JPH3: variants seen among roughly 807,000 people sequenced by gnomAD.
JPH3 encodes the protein junctophilin 3.
In JPH3, 11 loss-of-function variants were observed where a neutral mutation model predicts 59.6. The observed-to-expected ratio is 0.18, with a 90% CI of 0.12 to 0.31. The LOEUF (loss-of-function observed/expected upper bound fraction) is 0.31. Among genes scored for constraint, JPH3 ranks in the 10% least tolerant of loss-of-function variants. JPH3 has a pLI of 1.00. For synonymous variants in JPH3, 673 were observed against 483.6 expected (o/e 1.39, Z -5.14); for missense variants, 1,202 against 1,105.7 (o/e 1.09, Z -1.24).
chr16:87,686,303 G>C (rs2033415889), intron 3 of JPH3, among the ~76,000 whole-genome samples: 1 of 151,790 alleles, frequency 6.6e-6, no homozygotes, highest in African/African-American at 2.4e-5. Flanking sequence ...AGTCAGAGGA[G>C]ATGCTTCCTG....
chr16:87,603,022 G>T lies in JPH3; in HGVS notation c.-125G>T. On this transcript the variant is annotated 5_prime_UTR_variant, in exon 1 of 5. Coordinates refer to ENST00000284262, the MANE Select transcript of JPH3 (RefSeq NM_020655.4). Reference sequence around the variant, plus strand: ...CGCCCGCGCCCGAGACCGCGCTCCGGGGCCGCGTCCTCCTCTCCTCCGGAA... The same window carrying T: ...CGCCCGCGCCCGAGACCGCGCTCCGTGGCCGCGTCCTCCTCTCCTCCGGAA... 7.9e-7 allele frequency: 1 copy of T among 1,271,350 alleles called. No individual in the cohort carries two copies. The highest frequency in any genetic ancestry group is 1.1e-6 in the Non-Finnish European group (1 of 934,336). The allele number at this position is 1,271,350 out of a possible 1,614,324, so 78.8% of individuals were successfully genotyped here.
In JPH3 at chr16:87,697,082, C is replaced by T. The variant is rs1010530114; in HGVS notation, c.*422C>T. ...GTGGCAGGGCTGACTCCCGTCGACA[C>T]GAGCTTAGAAAGTGGATTCACTGCT... On this transcript the variant is annotated 3_prime_UTR_variant, in exon 5 of 5. Coordinates refer to ENST00000284262, the MANE Select transcript of JPH3 (RefSeq NM_020655.4). 4.9e-5 allele frequency: 13 copies of T among 266,516 alleles called. No homozygotes were observed. Among genetic ancestry groups the T allele is most frequent in the Admixed American group, 3.3e-4 (7 of 20,930 alleles). 16.5% of individuals were successfully genotyped at this position (266,516 alleles called of 1,614,324 possible).
At chr16:87,683,898 G>A in intron 2 of JPH3, 1 of 497,746 alleles carries the variant, frequency 2.0e-6, no homozygotes, top group South Asian at 2.5e-5. Context: ...GAGCCACCAT[G>A]CCCTGCCCAG....
Position 87,644,721 on chromosome 16 carries a change from C to A in JPH3, c.846C>A (p.Ala282=), listed in dbSNP as rs760635261. 4 of 1,605,276 alleles carry A rather than the reference C, an allele frequency of 2.5e-6. No homozygotes were observed. In the South Asian group the frequency reaches 4.4e-5, roughly 18 times the overall value. Residue 282 remains alanine (A), a synonymous_variant, in exon 2 of 5, where the codon GCC becomes GCA. Transcript: ENST00000284262. ...CGGTCATCGAGGACGACATCGACGCCACCACCACCGAGACCTACGTGGGCG... is the reference window on the plus strand; with the variant it reads ...CGGTCATCGAGGACGACATCGACGCAACCACCACCGAGACCTACGTGGGCG... ...ELAVIEDDID[A]TTTETYVGEW... is the part of the protein sequence containing the mutation.
In JPH3 at chr16:87,660,333, G is replaced by A. The variant is rs950961284; in HGVS notation, c.1160+15298G>A. On this transcript the variant is annotated intron_variant, in intron 2 of 4. Coordinates refer to ENST00000284262, the MANE Select transcript of JPH3 (RefSeq NM_020655.4). ...GTGGACAGAGGGGGCTGCAGGGAGG[G>A]CACAGAGGACTTCCTGGGAGTGAGG... 2.0e-5 allele frequency among the ~76,000 whole-genome samples: 3 copies of A among 152,134 alleles called. No individual in the cohort carries two copies. In the East Asian group the frequency reaches 5.8e-4, roughly 29 times the overall value.
chr16:87,651,727 G>A (rs936115261), intron 2 of JPH3, among the ~76,000 whole-genome samples: 2 of 152,220 alleles, frequency 1.3e-5, no homozygotes, highest in Non-Finnish European at 2.9e-5. Context: ...GGGGTGAAAC[G>A]AGAAAATGGT....
chr16:87,646,414 C>T (rs991105027), intron 2 of JPH3, among the ~76,000 whole-genome samples: 2 of 152,228 alleles, frequency 1.3e-5, no homozygotes, highest in Non-Finnish European at 2.9e-5. Context: ...CCCCTCCCTG[C>T]TCCCTCAGAA....
chr16:87,644,757 C>A lies in JPH3; in HGVS notation c.882C>A (p.Asn294Lys). 1.9e-6 allele frequency: 3 copies of A among 1,613,236 alleles called. No homozygotes were observed. The highest frequency in any genetic ancestry group is 2.2e-5 in the East Asian group (1 of 44,826). ...AGACCTACGTGGGCGAGTGGAAGAA[C>A]GACAAACGCTCCGGCTTCGGCGTGA... is the stretch of plus-strand genomic sequence containing the variant. Reference protein sequence around the residue: ...TTETYVGEWKNDKRSGFGVSQ... With the variant: ...TTETYVGEWKKDKRSGFGVSQ... The change falls in exon 2 of 5, where the codon AAC (asparagine) becomes AAA (lysine). Residue 294 changes from asparagine (N) to lysine (K), a missense_variant. Coordinates refer to ENST00000284262, the MANE Select transcript of JPH3 (RefSeq NM_020655.4).
At chr16:87,672,931 G>A (rs1432598667) in intron 2 of JPH3, among the ~76,000 whole-genome samples, 1 of 152,202 alleles carries the variant, frequency 6.6e-6, no homozygotes, top group African/African-American at 2.4e-5. Flanking sequence ...CATCACCTAA[G>A]GTCAGGAGTT....
chr16:87,611,816 T>G lies in JPH3; in HGVS notation c.382+8288T>G, dbSNP rs537178089. 6.6e-6 allele frequency among the ~76,000 whole-genome samples: 1 copy of G among 152,344 alleles called. No individual in the cohort carries two copies. The highest frequency in any genetic ancestry group is 2.1e-4 in the South Asian group (1 of 4,830). ...TGCTGAGGCTGCTGATCTGGGGACCTCACATTAAGAACCACAGTCCTGGGC... is the reference window on the plus strand; with the variant it reads ...TGCTGAGGCTGCTGATCTGGGGACCGCACATTAAGAACCACAGTCCTGGGC... On this transcript the variant is annotated intron_variant, in intron 1 of 4. Coordinates refer to ENST00000284262, the MANE Select transcript of JPH3 (RefSeq NM_020655.4). The surrounding 1 kb of genome is among the most constrained non-coding windows in gnomAD (Gnocchi z 4.5).
chr16:87,642,728 C>G (rs1362233413), intron 1 of JPH3, among the ~76,000 whole-genome samples: 1 of 152,200 alleles, frequency 6.6e-6, no homozygotes, highest in African/African-American at 2.4e-5. Flanking sequence ...CGTGCTGAGG[C>G]CCAGCCGTCC....
intron 2 of JPH3, among the ~76,000 whole-genome samples, chr16:87,661,158 C>G (rs80258093): frequency 0.053 from 8,145 of 152,320 alleles, 292 homozygotes; most frequent in Non-Finnish European, 0.08. Context: ...GAGGTCCCTC[C>G]TCCACCTTCA....
At chr16:87,651,423 T>C (rs755119627) in intron 2 of JPH3, among the ~76,000 whole-genome samples, 13 of 152,226 alleles carry the variant, frequency 8.5e-5, no homozygotes, top group Non-Finnish European at 1.8e-4. Context: ...ATTTCTCTGA[T>C]GGATCTGGGC....
rs186820422 is a variant in JPH3, at chr16:87,690,052, G to A, written c.1692G>A (p.Lys564=). The change falls in exon 4 of 5, where the codon AAG becomes AAA. Residue 564 remains lysine (K), a synonymous_variant. Coordinates refer to ENST00000284262, the MANE Select transcript of JPH3 (RefSeq NM_020655.4). ...DDFRTRGSGR[K]QPGNPKPRER... ...TCCGCACCCGAGGTTCGGGCCGCAA[G>A]CAGCCCGGGAACCCCAAGCCGCGGG... 3.8e-6 allele frequency: 6 copies of A among 1,565,060 alleles called. No homozygotes were observed. The highest frequency in any genetic ancestry group is 5.2e-6 in the Non-Finnish European group (6 of 1,154,872).
At chr16:87,636,526 C>A (rs757828560) in intron 1 of JPH3, among the ~76,000 whole-genome samples, 1 of 152,174 alleles carries the variant, frequency 6.6e-6, no homozygotes, top group South Asian at 2.1e-4. Context: ...GCAGAGCTCC[C>A]GTCTGGGGGA....
At chr16:87,667,371 A>G (rs997069815) in intron 2 of JPH3, among the ~76,000 whole-genome samples, 12 of 152,176 alleles carry the variant, frequency 7.9e-5, no homozygotes, top group African/African-American at 1.2e-4. Flanking sequence ...CATTCAGCTG[A>G]CTGTCTTTGC....
intron 2 of JPH3, among the ~76,000 whole-genome samples, chr16:87,647,177 G>A (rs965145798): frequency 2.0e-5 from 3 of 149,326 alleles, no homozygotes; most frequent in Admixed American, 6.6e-5. Flanking sequence ...AGATGCCTAC[G>A]TATAAGTGGG....
chr16:87,625,347 C>T (rs1044092376), intron 1 of JPH3, among the ~76,000 whole-genome samples: 6 of 152,264 alleles, frequency 3.9e-5, no homozygotes, highest in East Asian at 1.9e-4. Flanking sequence ...TTTCCCTCCT[C>T]GGGGGTCCTG....
intron 1 of JPH3, among the ~76,000 whole-genome samples, chr16:87,612,019 T>A (rs1349887025): frequency 6.6e-6 from 1 of 152,236 alleles, no homozygotes; most frequent in African/African-American, 2.4e-5. Flanking sequence ...ACCCTAGCTG[T>A]GCATGAGCTT....
Sources: gnomAD v4.1 joint callset for allele counts (sites outside exome capture counted in the v4.1 genomes callset) on GRCh38, gnomAD v4.1.1 for gene constraint, Gnocchi (gnomAD v3.1) non-coding constraint, MANE v1.5 for transcripts, NCBI Gene and HGNC (gene_info 2026-07-23, HGNC 2026-07-21) for gene names.